Variants in RAB3C observed in about 807,000 individuals in gnomAD.
RAB3C encodes the protein ras-related protein Rab-3C.
A neutral mutation model predicts 26.4 loss-of-function variants in RAB3C; 17 were observed. That is an observed-to-expected ratio of 0.64 (90% CI 0.44 to 0.97). RAB3C has a LOEUF of 0.97. Among genes scored for constraint, RAB3C ranks in the 50% least tolerant of loss-of-function variants. RAB3C has a pLI of 0.00. For missense variants in RAB3C, 242 were observed against 281.9 expected (o/e 0.86, Z 1.01); for synonymous variants, 91 against 95.9 (o/e 0.95, Z 0.30).
At chr5:58,836,339 G>A (rs1429018313) in intron 4 of RAB3C, among the ~76,000 whole-genome samples, 13 of 151,974 alleles carry the variant, frequency 8.6e-5, no homozygotes, top group South Asian at 2.1e-4. Flanking sequence ...ATGTATTGTG[G>A]TCAGATCAGG....
At chr5:58,634,044 G>C (rs1394638464) in intron 2 of RAB3C, among the ~76,000 whole-genome samples, 3 of 151,710 alleles carry the variant, frequency 2.0e-5, no homozygotes, top group African/African-American at 2.4e-5. Flanking sequence ...AGGAGGCTGA[G>C]GCAGGAGAAT....
chr5:58,606,997 G>A (rs182131217), intron 1 of RAB3C, among the ~76,000 whole-genome samples: 16 of 152,274 alleles, frequency 1.1e-4, no homozygotes, highest in East Asian at 5.8e-4. Context: ...AAACCAGCGC[G>A]CCTCTTCTCC....
At chr5:58,744,829 G>T (rs1327475087) in intron 3 of RAB3C, among the ~76,000 whole-genome samples, 1 of 152,158 alleles carries the variant, frequency 6.6e-6, no homozygotes, top group Admixed American at 6.5e-5. Context: ...TTATTTGTTT[G>T]CTTGCAATTG....
intron 2 of RAB3C, among the ~76,000 whole-genome samples, chr5:58,629,384 G>T (rs1286624645): frequency 1.3e-5 from 2 of 152,172 alleles, no homozygotes; most frequent in Non-Finnish European, 2.9e-5. Context: ...TCCTGGTGCA[G>T]CTTAAAGCAC....
intron 2 of RAB3C, chr5:58,689,455 G>A (rs1748516090): frequency 6.6e-6 from 1 of 152,036 alleles, no homozygotes. Flanking sequence ...ATCCCATGAA[G>A]TAATTCTGCT....
chr5:58,619,304 A>T (rs1021149431), intron 2 of RAB3C, among the ~76,000 whole-genome samples: 2 of 152,116 alleles, frequency 1.3e-5, no homozygotes, highest in African/African-American at 4.8e-5. Context: ...CAGAAACTTG[A>T]CCTCAATTAA....
intron 3 of RAB3C, among the ~76,000 whole-genome samples, chr5:58,767,020 G>C (rs6884818): frequency 1.3e-5 from 2 of 151,996 alleles, no homozygotes; most frequent in Non-Finnish European, 2.9e-5. Context: ...TAGCCAGCGG[G>C]GGGGACTCAG....
intron 2 of RAB3C, among the ~76,000 whole-genome samples, chr5:58,661,732 C>G (rs1862250): frequency 6.8e-6 from 1 of 148,110 alleles, no homozygotes; most frequent in Non-Finnish European, 1.5e-5. Flanking sequence ...AACCCTATTT[C>G]TAAGAGCTGC....
intron 4 of RAB3C, among the ~76,000 whole-genome samples, chr5:58,845,612 A>ATATATATATATGTGTGTGTGTGTGTGTG: frequency 1.6e-4 from 13 of 81,722 alleles, no homozygotes; most frequent in African/African-American, 7.0e-4. Flanking sequence ...ATATATATAT[A>ATATATATATATGTGTGTGTGTGTGTGTG]TGTGTGTGTG....
intron 2 of RAB3C, among the ~76,000 whole-genome samples, chr5:58,618,719 A>G (rs1561268698): frequency 6.6e-6 from 1 of 152,198 alleles, no homozygotes; most frequent in Non-Finnish European, 1.5e-5. Context: ...TATTTTATGG[A>G]CATCGTAATA....
At chr5:58,669,387 C>T (rs963986751) in intron 2 of RAB3C, among the ~76,000 whole-genome samples, 1 of 152,070 alleles carries the variant, frequency 6.6e-6, no homozygotes, top group Non-Finnish European at 1.5e-5. Context: ...CAGGTCACAC[C>T]AGACCACACC....
intron 4 of RAB3C, among the ~76,000 whole-genome samples, chr5:58,848,841 G>C (rs1744056313): frequency 6.6e-6 from 1 of 152,058 alleles, no homozygotes; most frequent in Non-Finnish European, 1.5e-5. Context: ...TGCTAAGTGG[G>C]GCTAGATCCC....
chr5:58,796,648 C>G (rs1742656919), intron 3 of RAB3C, among the ~76,000 whole-genome samples: 1 of 152,152 alleles, frequency 6.6e-6, no homozygotes, highest in Non-Finnish European at 1.5e-5. Context: ...ACCATTACTA[C>G]TCATAGCTGA....
intron 2 of RAB3C, among the ~76,000 whole-genome samples, chr5:58,656,550 CAAT>C (rs1385339172): frequency 6.6e-6 from 1 of 152,084 alleles, no homozygotes; most frequent in African/African-American, 2.4e-5. Flanking sequence ...ATGCTAAAGT[CAAT>C]AAGTCACAAT....
At chr5:58,747,181 TA>T (rs1189722698) in intron 3 of RAB3C, among the ~76,000 whole-genome samples, 1 of 152,192 alleles carries the variant, frequency 6.6e-6, no homozygotes, top group African/African-American at 2.4e-5. Context: ...AAACATAGAT[TA>T]TGATAATATT....
In RAB3C at chr5:58,772,149, C is replaced by T. The variant is rs113469289; in HGVS notation, c.371+46029C>T. On this transcript the variant is annotated intron_variant, in intron 3 of 4. Transcript: ENST00000282878. ...GCTATATGAAATGCATGGGCTAATG[C>T]GACATGGATGTGAGCAGAGGCTTGA... Among the ~76,000 whole-genome samples the T allele has an allele frequency of 4.5e-3, 681 of 152,168 alleles. 7 individuals carry two copies. Among genetic ancestry groups the T allele is most frequent in the African/African-American group, 0.016 (663 of 41,504 alleles).
intron 3 of RAB3C, among the ~76,000 whole-genome samples, chr5:58,821,288 T>C (rs2243846): frequency 0.61 from 92,821 of 152,040 alleles, 28,638 homozygotes; most frequent in Middle Eastern, 0.74. Context: ...AACATAAGTG[T>C]TCTCTACCCA....
chr5:58,836,320 A>G (rs1464866561), intron 4 of RAB3C, among the ~76,000 whole-genome samples: 2 of 152,076 alleles, frequency 1.3e-5, no homozygotes, highest in Non-Finnish European at 2.9e-5. Flanking sequence ...TGAATTTTTG[A>G]TACATATAAT....
intron 1 of RAB3C, among the ~76,000 whole-genome samples, chr5:58,612,546 A>ATATG (rs1746736054): frequency 1.9e-5 from 1 of 53,432 alleles, no homozygotes; most frequent in African/African-American, 7.5e-5. Flanking sequence ...ATATATATAT[A>ATATG]TGTATATATA....
Sources: gnomAD v4.1 joint callset for allele counts (sites outside exome capture counted in the v4.1 genomes callset) on GRCh38, gnomAD v4.1.1 for gene constraint, MANE v1.5 for transcripts, NCBI Gene and HGNC (gene_info 2026-07-23, HGNC 2026-07-21) for gene names.